GINS1: variants seen among roughly 807,000 people sequenced by gnomAD.
GINS1 encodes DNA replication complex GINS protein PSF1.
GINS1 carries 26 observed loss-of-function variants against 34.9 expected under a neutral mutation model. The observed-to-expected ratio is 0.74, with a 90% CI of 0.55 to 1.03. GINS1 has a LOEUF of 1.03. Among genes scored for constraint, GINS1 ranks in the 50% least tolerant of loss-of-function variants. The probability of loss-of-function intolerance (pLI) is 0.00; values close to 1 mark genes in which losing one functional copy is unlikely to be tolerated. For synonymous variants in GINS1, 97 were observed against 84.4 expected, an observed-to-expected ratio of 1.15 and a Z score of -0.82; for missense variants, 235 against 237.9, an observed-to-expected ratio of 0.99 and a Z score of 0.08.
At chr20:25,421,019 G>T in intron 4 of GINS1, 1 of 926,388 alleles carries the variant, frequency 1.1e-6, no homozygotes, top group Non-Finnish European at 1.3e-6. Flanking sequence ...GAGCCTATGA[G>T]GTCTGAATGT....
At chr20:25,415,532 A>G (rs1301968440) in intron 2 of GINS1, among the ~76,000 whole-genome samples, 1 of 152,082 alleles carries the variant, frequency 6.6e-6, no homozygotes, top group African/African-American at 2.4e-5. Flanking sequence ...CGAAAAATAC[A>G]AAATTAGCCA....
intron 2 of GINS1, among the ~76,000 whole-genome samples, chr20:25,414,734 A>G (rs1476904974): frequency 6.6e-6 from 1 of 152,152 alleles, no homozygotes; most frequent in Non-Finnish European, 1.5e-5. Flanking sequence ...AACCTAACAA[A>G]GTGAAATACA....
intron 2 of GINS1, 89 bp downstream of exon 2, chr20:25,413,943 G>A (rs1481823271): frequency 2.6e-6 from 2 of 767,272 alleles, no homozygotes; most frequent in Non-Finnish European, 2.3e-6. Context: ...TGTAATCCCA[G>A]CACTTTGGGA....
intron 4 of GINS1, among the ~76,000 whole-genome samples, chr20:25,424,169 A>G (rs985975798): frequency 5.3e-5 from 8 of 152,124 alleles, no homozygotes; most frequent in Non-Finnish European, 8.8e-5. Context: ...ATGCTAGTCT[A>G]TCTGTTCTTA....
At position 25,447,263 on chromosome 20, in the gene GINS1, C is replaced by T. The variant is rs1600950030; in HGVS notation, c.*1272C>T. On this transcript the variant is annotated 3_prime_UTR_variant, in exon 7 of 7. Transcript: ENST00000262460. ...CCATGTTGGCCAGGCTGGTTTCAAACTCCTGACCTCAAGTGACCCACCTTG... is the reference window on the plus strand; with the variant it reads ...CCATGTTGGCCAGGCTGGTTTCAAATTCCTGACCTCAAGTGACCCACCTTG... 6.6e-6 allele frequency: 1 copy of T among 151,756 alleles called. No individual in the cohort carries two copies. The highest frequency in any genetic ancestry group is 2.1e-4 in the South Asian group (1 of 4,806). 9.4% of individuals were successfully genotyped at this position (151,756 alleles called of 1,614,324 possible). A position where few individuals can be genotyped will look rare whatever the true frequency, so the allele number is the denominator to read the frequency against.
Position 25,446,111 on chromosome 20 carries a change from A to G in GINS1, c.*120A>G. 1.8e-6 allele frequency: 1 copy of G among 541,332 alleles called. No homozygotes were observed. Among genetic ancestry groups the G allele is most frequent in the East Asian group, 2.9e-5 (1 of 34,176 alleles). The allele number at this position is 541,332 out of a possible 1,614,324, so 33.5% of individuals were successfully genotyped here. A position where few individuals can be genotyped will look rare whatever the true frequency, so the allele number is the denominator to read the frequency against. On this transcript the variant is annotated 3_prime_UTR_variant, in exon 7 of 7. Transcript: ENST00000262460. ...GAAGCTATAGACATTGTTTAAGATA[A>G]CTAAGAATACTTGGCTAAGAAGTAT...
At chr20:25,427,312 C>T (rs1439875780) in intron 5 of GINS1, among the ~76,000 whole-genome samples, 1 of 152,118 alleles carries the variant, frequency 6.6e-6, no homozygotes, top group Admixed American at 6.6e-5. Flanking sequence ...ATTCTCCTGC[C>T]TCAGCCTCCC....
chr20:25,409,768 A>G (rs1460498960), intron 1 of GINS1, among the ~76,000 whole-genome samples: 1 of 152,226 alleles, frequency 6.6e-6, no homozygotes, highest in Non-Finnish European at 1.5e-5. Flanking sequence ...ACTTCAGAGC[A>G]GTTACCTCAT....
At chr20:25,435,766 A>T (rs1306830873) in intron 5 of GINS1, among the ~76,000 whole-genome samples, 4 of 115,650 alleles carry the variant, frequency 3.5e-5, no homozygotes, top group Non-Finnish European at 5.2e-5. Context: ...TTCCGTCTCA[A>T]AAAAAAAAAA....
chr20:25,425,798 T>TA (rs2090387443), intron 5 of GINS1, among the ~76,000 whole-genome samples: 2 of 152,334 alleles, frequency 1.3e-5, no homozygotes, highest in Non-Finnish European at 2.9e-5. Flanking sequence ...AAGAGGTATT[T>TA]TTGTTTCATT....
Position 25,428,397 on chromosome 20 carries a change from C to CTTTTTTTTT in GINS1, c.447+3086_447+3094dup, listed in dbSNP as rs544831869. ...AAATCTAGCTTTCCAAGCATAATTT[C>CTTTTTTTTT]TTTTTTTTTTTTTTTTTTTTTTTTG... is the stretch of plus-strand genomic sequence containing the variant. On this transcript the variant is annotated intron_variant, in intron 5 of 6. Coordinates refer to ENST00000262460, the MANE Select transcript of GINS1 (RefSeq NM_021067.5). 3.6e-4 allele frequency among the ~76,000 whole-genome samples: 24 copies of CTTTTTTTTT among 66,574 alleles called. 2 individuals carry two copies. Among genetic ancestry groups the CTTTTTTTTT allele is most frequent in the Non-Finnish European group, 4.8e-4 (18 of 37,674 alleles). The allele number at this position is 66,574 out of a possible 152,430, so 43.7% of individuals were successfully genotyped here.
chr20:25,441,843 A>G (rs2090483661), intron 6 of GINS1, 67 bp downstream of exon 6: 1 of 784,818 alleles, frequency 1.3e-6, no homozygotes, highest in African/African-American at 1.7e-5. Context: ...AAGTTGGAAT[A>G]GCAAAATAAA....
chr20:25,440,514 T>C (rs1228039847), intron 5 of GINS1, among the ~76,000 whole-genome samples: 1 of 152,030 alleles, frequency 6.6e-6, no homozygotes, highest in Non-Finnish European at 1.5e-5. Flanking sequence ...AAAGTTTATT[T>C]AGAGAAGCAA....
In GINS1 at chr20:25,425,322, A is replaced by G. The variant is rs369073573; in HGVS notation, c.442A>G (p.Ile148Val). 3 of 1,307,708 alleles carry G rather than the reference A, an allele frequency of 2.3e-6. No homozygotes were observed. In the African/African-American group the frequency reaches 4.4e-5, roughly 19 times the overall value. 81.0% of individuals were successfully genotyped at this position (1,307,708 alleles called of 1,614,324 possible). The change falls in exon 5 of 7, where the codon ATT becomes GTT. Residue 148 changes from isoleucine to valine, a missense_variant. Physicochemically the swap from Ile to Val is conservative, Grantham distance 29. Coordinates refer to ENST00000262460, the MANE Select transcript of GINS1 (RefSeq NM_021067.5). ...TATGAAACCACCAAAAAGCCTATAT[A>G]TTGAAGTATGTATATCTTTTTAAAA... is the stretch of plus-strand genomic sequence containing the variant. ...QDMKPPKSLY[I>V]EVRCLKDYGE...
chr20:25,413,658 T>C (rs1330841348), intron 1 of GINS1, 132 bp from the exon 2 acceptor site: 1 of 651,820 alleles, frequency 1.5e-6, no homozygotes, highest in Non-Finnish European at 2.8e-6. Context: ...ATAACCATGC[T>C]AGTGGGGTGT....
chr20:25,443,515 G>A (rs912305224), intron 6 of GINS1, among the ~76,000 whole-genome samples: 1 of 109,454 alleles, frequency 9.1e-6, no homozygotes, highest in Non-Finnish European at 1.8e-5. Context: ...TCTCGCTCTT[G>A]TCCCCCAGGC....
intron 5 of GINS1, among the ~76,000 whole-genome samples, chr20:25,428,213 C>T (rs1230165452): frequency 6.6e-6 from 1 of 151,646 alleles, no homozygotes; most frequent in African/African-American, 2.4e-5. Context: ...GGAGTCATAT[C>T]CCAGAAATCA....
chr20:25,444,227 C>A (rs1037313501), intron 6 of GINS1, among the ~76,000 whole-genome samples: 12 of 151,772 alleles, frequency 7.9e-5, no homozygotes, highest in South Asian at 6.2e-4. Flanking sequence ...GTTGATCAGG[C>A]TGGTCTCAAA....
At chr20:25,408,183 A>G (rs2090259572) in intron 1 of GINS1, among the ~76,000 whole-genome samples, 1 of 152,176 alleles carries the variant, frequency 6.6e-6, no homozygotes, top group African/African-American at 2.4e-5. Context: ...ATAATTTAGC[A>G]TTTCTTGCTC....
Sources: gnomAD v4.1 joint callset for allele counts (sites outside exome capture counted in the v4.1 genomes callset) on GRCh38, gnomAD v4.1.1 for gene constraint, MANE v1.5 for transcripts, NCBI Gene and HGNC (gene_info 2026-07-23, HGNC 2026-07-21) for gene names.